PTPRN2: variants seen among roughly 807,000 people sequenced by gnomAD.
PTPRN2 encodes receptor-type tyrosine-protein phosphatase N2.
PTPRN2 carries 74 observed loss-of-function variants against 118.8 expected under a neutral mutation model. The ratio of observed to expected loss-of-function variants is 0.62; its 90% CI spans 0.52 to 0.76. PTPRN2 has a LOEUF of 0.76. PTPRN2 is among the 30% of genes least tolerant of loss of function. PTPRN2 has a pLI of 0.00. For synonymous variants in PTPRN2, 641 were observed against 608.0 expected (o/e 1.05, Z -0.80); for missense variants, 1,481 against 1,394.4 (o/e 1.06, Z -0.99).
intron 12 of PTPRN2, among the ~76,000 whole-genome samples, chr7:157,740,676 C>T (rs2150961708): frequency 6.6e-6 from 1 of 152,280 alleles, no homozygotes; most frequent in African/African-American, 2.4e-5. Context: ...TCAGAGGCTC[C>T]TAATCAATGC....
chr7:157,696,067 T>C (rs1168257886), intron 12 of PTPRN2, among the ~76,000 whole-genome samples: 1 of 138,996 alleles, frequency 7.2e-6, no homozygotes, highest in Admixed American at 7.0e-5. Context: ...GGAAGAGCCC[T>C]CACCATCTAC....
rs932556794 is a variant in PTPRN2 at position 157,646,695 on chromosome 7, C to T, written c.2196+9662G>A. The stretch of plus-strand genomic sequence containing the variant: ...CAGGTACAGAACAGAGTCCCAGGAG[C>T]GTCAAGCAGGAGCTGTGGCTTGGGT... On this transcript the variant is annotated intron_variant, in intron 14 of 22. Transcript: ENST00000389418. Among the ~76,000 whole-genome samples the T allele has an allele frequency of 1.2e-4, 19 of 152,258 alleles. 1 individual carries two copies. In the South Asian group the frequency reaches 3.5e-3, roughly 28 times the overall value.
intron 10 of PTPRN2, among the ~76,000 whole-genome samples, chr7:158,092,881 A>G (rs1007846816): frequency 1.1e-4 from 17 of 152,184 alleles, no homozygotes; most frequent in Non-Finnish European, 2.5e-4. Context: ...AGGTGGGCGC[A>G]AACCAAGAGA....
At chr7:157,734,629 A>G (rs147253413) in intron 12 of PTPRN2, among the ~76,000 whole-genome samples, 1 of 152,362 alleles carries the variant, frequency 6.6e-6, no homozygotes, top group Non-Finnish European at 1.5e-5. Context: ...AGACGCCCCA[A>G]ATAAACAGTC....
At chr7:158,534,838 C>T (rs750372952) in intron 1 of PTPRN2, among the ~76,000 whole-genome samples, 20 of 151,812 alleles carry the variant, frequency 1.3e-4, no homozygotes, top group Middle Eastern at 3.4e-3. Flanking sequence ...GCAGAGACGA[C>T]GCCTGCACGT....
At chr7:157,626,582 G>T (rs764801266) in intron 14 of PTPRN2, among the ~76,000 whole-genome samples, 1 of 151,774 alleles carries the variant, frequency 6.6e-6, no homozygotes, top group Admixed American at 6.6e-5. Flanking sequence ...TCAAACATAC[G>T]TCTCTGTGGC....
chr7:158,100,939 C>A (rs990858472), intron 10 of PTPRN2, among the ~76,000 whole-genome samples: 1 of 152,118 alleles, frequency 6.6e-6, no homozygotes, highest in South Asian at 2.1e-4. Context: ...GTGAAAATGA[C>A]CGTACTGCCA....
At chr7:157,599,602 C>A (rs1801542752) in intron 16 of PTPRN2, among the ~76,000 whole-genome samples, 1 of 152,218 alleles carries the variant, frequency 6.6e-6, no homozygotes, top group Admixed American at 6.5e-5. Context: ...ATGTCAGGAC[C>A]ACTGGACTGT....
At chr7:157,972,516 C>T (rs1027155140) in intron 11 of PTPRN2, among the ~76,000 whole-genome samples, 4 of 148,146 alleles carry the variant, frequency 2.7e-5, no homozygotes, top group African/African-American at 1.0e-4. Context: ...GGGAACTCCA[C>T]ACCACGAGAG....
chr7:157,863,645 A>T, intron 12 of PTPRN2: 1 of 152,264 alleles, frequency 6.6e-6, no homozygotes, highest in Non-Finnish European at 1.5e-5. Flanking sequence ...CCCCAAGTTC[A>T]TGTGGCAGCC....
chr7:158,007,339 G>T (rs1805700541), intron 11 of PTPRN2, among the ~76,000 whole-genome samples: 1 of 152,134 alleles, frequency 6.6e-6, no homozygotes, highest in African/African-American at 2.4e-5. Flanking sequence ...AGGGGACGAG[G>T]GATCAGAGGC....
intron 2 of PTPRN2, among the ~76,000 whole-genome samples, chr7:158,319,671 T>TTG (rs1802735458): frequency 2.8e-4 from 1 of 3,606 alleles, no homozygotes. Flanking sequence ...ACAGCCTCCC[T>TTG]CACACACACA....
chr7:158,311,906 CGCACACACCT>C (rs372963353), intron 3 of PTPRN2, among the ~76,000 whole-genome samples: 2,172 of 151,278 alleles, frequency 0.014, 53 homozygotes, highest in African/African-American at 0.05. Flanking sequence ...CACCCACACA[CGCACACACCT>C]GCACACACAT....
At position 158,541,513 on chromosome 7, in the gene PTPRN2, C is replaced by T. The variant is rs772615479; in HGVS notation, c.112+46045G>A. On this transcript the variant is annotated intron_variant, in intron 1 of 22. Transcript: ENST00000389418. ...TGTGGACCTGAAACAAACATCACTT[C>T]CACCCTGGGCAAGGTGTGGCTCACA... 154 of 1,352,066 alleles carry T rather than the reference C, an allele frequency of 1.1e-4. 1 individual carries two copies. In the South Asian group the frequency reaches 1.7e-3, roughly 15 times the overall value. The allele number at this position is 1,352,066 out of a possible 1,614,324, so 83.8% of individuals were successfully genotyped here. A position where few individuals can be genotyped will look rare whatever the true frequency, so the allele number is the denominator to read the frequency against.
At chr7:157,782,365 C>T (rs927226509) in intron 12 of PTPRN2, among the ~76,000 whole-genome samples, 2 of 152,196 alleles carry the variant, frequency 1.3e-5, no homozygotes, top group Non-Finnish European at 2.9e-5. Flanking sequence ...CAGGCGGAAT[C>T]GGTTCCAGCA....
intron 9 of PTPRN2, among the ~76,000 whole-genome samples, chr7:158,112,047 G>A (rs749421463): frequency 1.9e-4 from 29 of 151,930 alleles, no homozygotes; most frequent in Non-Finnish European, 1.5e-4. Flanking sequence ...CAGCAGGGGC[G>A]AGGCTGGGAG....
intron 12 of PTPRN2, among the ~76,000 whole-genome samples, chr7:157,762,618 T>G (rs1802203252): frequency 1.5e-5 from 2 of 135,968 alleles, no homozygotes; most frequent in African/African-American, 2.7e-5. Context: ...GGGGGAGGGA[T>G]AGCAATGGGA....
At chr7:157,669,298 C>T (rs369736071) in intron 13 of PTPRN2, among the ~76,000 whole-genome samples, 1 of 152,252 alleles carries the variant, frequency 6.6e-6, no homozygotes, top group African/African-American at 2.4e-5. Context: ...GGGACGTCCT[C>T]GGCTCATGGC....
rs545978924 is a variant in PTPRN2 at position 157,591,809 on chromosome 7, G to A, written c.2496+3429C>T. Among the ~76,000 whole-genome samples, 3 of 152,328 alleles carry A rather than the reference G, an allele frequency of 2.0e-5. No individual in the cohort carries two copies. Among genetic ancestry groups the A allele is most frequent in the South Asian group, 2.1e-4 (1 of 4,830 alleles). On this transcript the variant is annotated intron_variant, in intron 17 of 22. Transcript: ENST00000389418. This position sits in a 1 kb window ranked among gnomAD's most constrained non-coding sequence, Gnocchi z 4.4. ...CTGCTCTGTGTGGATTTATGGCATC[G>A]ATGGTGGGCAGCTCCTGTGTTCTGC...
Sources: gnomAD v4.1 joint callset for allele counts (sites outside exome capture counted in the v4.1 genomes callset) on GRCh38, gnomAD v4.1.1 for gene constraint, Gnocchi (gnomAD v3.1) non-coding constraint, MANE v1.5 for transcripts, NCBI Gene and HGNC (gene_info 2026-07-23, HGNC 2026-07-21) for gene names.